Variants in VIPR2 observed in about 807,000 individuals in gnomAD.
VIPR2 encodes vasoactive intestinal peptide receptor 2.
VIPR2 carries 48 observed loss-of-function variants against 58.0 expected under a neutral mutation model. The ratio of observed to expected loss-of-function variants is 0.83; its 90% CI spans 0.66 to 1.05. The LOEUF (loss-of-function observed/expected upper bound fraction) is 1.05, where lower values mean the gene tolerates loss of function less well. Ranked by LOEUF, VIPR2 falls within the 50% of genes least tolerant of loss-of-function variation. The pLI, the probability that VIPR2 is intolerant of heterozygous loss-of-function variation, is 0.00. For missense variants in VIPR2, 534 were observed against 558.0 expected (o/e 0.96, Z 0.43); for synonymous variants, 243 against 235.2 (o/e 1.03, Z -0.30).
chr7:159,133,229 A>G (rs1413101531), intron 2 of VIPR2, among the ~76,000 whole-genome samples: 2 of 152,308 alleles, frequency 1.3e-5, no homozygotes, highest in Non-Finnish European at 2.9e-5. Context: ...AAAAGCAGCC[A>G]CCTGAGGCTG....
At chr7:159,118,088 CG>C (rs1427014560) in intron 2 of VIPR2, among the ~76,000 whole-genome samples, 2 of 152,186 alleles carry the variant, frequency 1.3e-5, no homozygotes, top group African/African-American at 4.8e-5. Flanking sequence ...TCCCAGTCAT[CG>C]AATACTCCCC....
At chr7:159,116,410 G>A (rs985759588) in intron 2 of VIPR2, among the ~76,000 whole-genome samples, 6 of 152,164 alleles carry the variant, frequency 3.9e-5, no homozygotes, top group Non-Finnish European at 5.9e-5. Context: ...GTCAGTGCCC[G>A]CATGGTCAGT....
intron 2 of VIPR2, among the ~76,000 whole-genome samples, chr7:159,112,185 A>T (rs1196232133): frequency 1.3e-5 from 2 of 152,258 alleles, no homozygotes; most frequent in Non-Finnish European, 2.9e-5. Flanking sequence ...TGATTTAAAC[A>T]TCTAGAGCTA....
intron 5 of VIPR2, among the ~76,000 whole-genome samples, chr7:159,053,274 A>C (rs1301034500): frequency 6.6e-6 from 1 of 151,998 alleles, no homozygotes; most frequent in Non-Finnish European, 1.5e-5. Context: ...ATATACTAAA[A>C]TAAATTTTTT....
chr7:159,117,119 TCA>T (rs1367410755), intron 2 of VIPR2: 3 of 577,006 alleles, frequency 5.2e-6, no homozygotes, highest in Non-Finnish European at 9.3e-6. Flanking sequence ...GAGACCAGGT[TCA>T]CAGAGGGGAG....
chr7:159,103,915 C>T, intron 3 of VIPR2, 61 bp from the exon 4 acceptor site: 1 of 1,442,442 alleles, frequency 6.9e-7, no homozygotes, highest in Non-Finnish European at 9.7e-7. Context: ...TTAGAAGGGA[C>T]CTTAGTCCGT....
At chr7:159,126,764 G>A (rs1446648933) in intron 2 of VIPR2, among the ~76,000 whole-genome samples, 1 of 152,212 alleles carries the variant, frequency 6.6e-6, no homozygotes, top group African/African-American at 2.4e-5. Context: ...GGCTGCTCTT[G>A]ATGATTCAGC....
rs1404619957 is a variant in VIPR2, at chr7:159,043,056, G to T, written c.576C>A (p.Cys192Ter). ...VLYSSSGTLH[C>*]PDQPSSWVGC... ...TTACCCAGGAGGATGGCTGGTCAGG[G>T]CAGTGCAACGTGCCAGAGCTGGAGT... The change falls in exon 6 of 13, where the codon TGC becomes TGA. Residue 192 changes from cysteine to a stop codon, truncating the protein, a stop_gained. Transcript: ENST00000262178. LOFTEE classifies it high-confidence loss of function. 6 of 1,614,170 alleles carry T rather than the reference G, an allele frequency of 3.7e-6. No homozygotes were observed. The highest frequency in any genetic ancestry group is 5.1e-6 in the Non-Finnish European group (6 of 1,180,014).
intron 5 of VIPR2, among the ~76,000 whole-genome samples, chr7:159,056,247 T>G (rs1855322306): frequency 6.6e-6 from 1 of 150,422 alleles, no homozygotes; most frequent in Non-Finnish European, 1.5e-5. Context: ...TTGCCCCCCT[T>G]ACCCCATGCC....
At chr7:159,119,476 G>C (rs1796371585) in intron 2 of VIPR2, among the ~76,000 whole-genome samples, 1 of 152,228 alleles carries the variant, frequency 6.6e-6, no homozygotes, top group Non-Finnish European at 1.5e-5. Flanking sequence ...TAGGAGCCCA[G>C]ACGCAGATGC....
At chr7:159,134,960 A>G (rs1420294264) in intron 2 of VIPR2, among the ~76,000 whole-genome samples, 1 of 142,376 alleles carries the variant, frequency 7.0e-6, no homozygotes, top group Admixed American at 7.1e-5. Flanking sequence ...CCTGGCCAAT[A>G]GGACAATATT....
chr7:159,123,215 C>T (rs919365524), intron 2 of VIPR2, among the ~76,000 whole-genome samples: 1 of 147,816 alleles, frequency 6.8e-6, no homozygotes, highest in African/African-American at 2.5e-5. Flanking sequence ...ATCGCTTCAA[C>T]CCAGGAGGCA....
chr7:159,110,926 ATATT>A (rs1795973297), intron 2 of VIPR2, among the ~76,000 whole-genome samples: 1 of 152,254 alleles, frequency 6.6e-6, no homozygotes, highest in African/African-American at 2.4e-5. Context: ...AAGTGAAAAT[ATATT>A]TATTATAAAA....
At chr7:159,129,218 C>T (rs1465997234) in intron 2 of VIPR2, among the ~76,000 whole-genome samples, 1 of 144,346 alleles carries the variant, frequency 6.9e-6, no homozygotes, top group Non-Finnish European at 1.5e-5. Flanking sequence ...CTGGTGGGGA[C>T]AGGGCCAGGT....
At chr7:159,038,457 ATCAGGACAGAGCC>A (rs1854112336) in intron 6 of VIPR2, among the ~76,000 whole-genome samples, 1 of 152,212 alleles carries the variant, frequency 6.6e-6, no homozygotes, top group African/African-American at 2.4e-5. Flanking sequence ...TGCCCTGGGC[ATCAGGACAGAGCC>A]TCTTATGTGG....
At chr7:159,138,470 G>T (rs1426721906) in intron 2 of VIPR2, among the ~76,000 whole-genome samples, 1 of 152,174 alleles carries the variant, frequency 6.6e-6, no homozygotes, top group Non-Finnish European at 1.5e-5. Flanking sequence ...CAACAAAACG[G>T]TCACTAGAAC....
intron 4 of VIPR2, among the ~76,000 whole-genome samples, chr7:159,078,239 C>G (rs140346489): frequency 6.6e-6 from 1 of 152,326 alleles, no homozygotes; most frequent in East Asian, 1.9e-4. Flanking sequence ...ACTGGCTTCC[C>G]TCTGAACTGA....
At position 159,096,438 on chromosome 7, in the gene VIPR2, T is replaced by A. The variant is rs1857851078; in HGVS notation, c.357+7319A>T. Among the ~76,000 whole-genome samples the A allele has an allele frequency of 6.6e-6, 1 of 152,222 alleles. No individual in the cohort carries two copies. The highest frequency in any genetic ancestry group is 2.4e-5 in the African/African-American group (1 of 41,474). ...CACATCATCCTGGTGTGCTCCTCCA[T>A]CCTTCCACCTTCCTGATCATGTGGA... On this transcript the variant is annotated intron_variant, in intron 4 of 12. Coordinates refer to ENST00000262178, the MANE Select transcript of VIPR2 (RefSeq NM_003382.5). This position sits in a 1 kb window ranked among gnomAD's most constrained non-coding sequence, Gnocchi z 5.5.
Position 159,127,024 on chromosome 7 carries a change from T to C in VIPR2, c.151+15422A>G, listed in dbSNP as rs1204941993. On this transcript the variant is annotated intron_variant, in intron 2 of 12. Coordinates refer to ENST00000262178, the MANE Select transcript of VIPR2 (RefSeq NM_003382.5). This position sits in a 1 kb window ranked among gnomAD's most constrained non-coding sequence, Gnocchi z 4.6. ...CTGGCAAGAGTCCCCTCCTGGTCCCTAAGAGAAACAGCTAAGACAGGAGGA... is the reference window on the plus strand; with the variant it reads ...CTGGCAAGAGTCCCCTCCTGGTCCCCAAGAGAAACAGCTAAGACAGGAGGA... Among the ~76,000 whole-genome samples the C allele has an allele frequency of 1.3e-5, 2 of 152,116 alleles. No homozygotes were observed. The highest frequency in any genetic ancestry group is 2.9e-5 in the Non-Finnish European group (2 of 68,026).
Sources: gnomAD v4.1 joint callset for allele counts (sites outside exome capture counted in the v4.1 genomes callset) on GRCh38, gnomAD v4.1.1 for gene constraint, Gnocchi (gnomAD v3.1) non-coding constraint, MANE v1.5 for transcripts, NCBI Gene and HGNC (gene_info 2026-07-23, HGNC 2026-07-21) for gene names.